CELF4: variants seen among roughly 807,000 people sequenced by gnomAD.
CELF4 encodes CUG-BP- and ETR-3-like factor 4.
In CELF4, 18 loss-of-function variants were observed where a neutral mutation model predicts 59.9. That is an observed-to-expected ratio of 0.30 (90% confidence interval 0.21 to 0.45). The LOEUF (loss-of-function observed/expected upper bound fraction) is 0.45. CELF4 is among the 20% of genes least tolerant of loss of function. The pLI, the probability that CELF4 is intolerant of heterozygous loss-of-function variation, is 1.00. For synonymous variants in CELF4, 261 were observed against 267.1 expected (o/e 0.98, Z 0.22); for missense variants, 456 against 689.0 (o/e 0.66, Z 3.79).
At chr18:37,266,181 C>T (rs896341350) in intron 9 of CELF4, 10 of 427,102 alleles carry the variant, frequency 2.3e-5, no homozygotes, top group South Asian at 1.4e-4. Flanking sequence ...GGTCCAGCCT[C>T]GCCTGTGGTG....
chr18:37,433,380 T>C (rs1445847324), intron 2 of CELF4, among the ~76,000 whole-genome samples: 3 of 152,296 alleles, frequency 2.0e-5, no homozygotes, highest in East Asian at 3.9e-4. Flanking sequence ...ATGCAGCAGT[T>C]GATGTCTTCT....
intron 1 of CELF4, among the ~76,000 whole-genome samples, chr18:37,524,350 G>A (rs1049368765): frequency 1.3e-5 from 2 of 152,172 alleles, no homozygotes; most frequent in Admixed American, 6.5e-5. Context: ...AGATGGCTTC[G>A]AATGCCAACC....
At chr18:37,387,618 C>G (rs624740) in intron 2 of CELF4, among the ~76,000 whole-genome samples, 73,063 of 151,988 alleles carry the variant, frequency 0.48, 18,112 homozygotes, top group East Asian at 0.7. Context: ...GGACTCTGGT[C>G]TGGGGCTTTT....
At chr18:37,385,833 T>C (rs1343282374) in intron 2 of CELF4, among the ~76,000 whole-genome samples, 1 of 152,246 alleles carries the variant, frequency 6.6e-6, no homozygotes, top group African/African-American at 2.4e-5. Context: ...ATTTTCAATA[T>C]GTATTTATTG....
intron 3 of CELF4, among the ~76,000 whole-genome samples, chr18:37,301,225 G>A (rs908087522): frequency 6.6e-6 from 1 of 152,202 alleles, no homozygotes; most frequent in Non-Finnish European, 1.5e-5. Context: ...GGCTGGAGAG[G>A]ATGTCAGTGT....
At position 37,439,655 on chromosome 18, in the gene CELF4, A is replaced by G. The variant is rs369945040; in HGVS notation, c.369+45870T>C. 3.3e-5 allele frequency among the ~76,000 whole-genome samples: 5 copies of G among 152,152 alleles called. No individual in the cohort carries two copies. In the South Asian group the frequency reaches 6.2e-4, roughly 19 times the overall value. ...CTTGGCCTAGTCACTCTTCTCTGGG[A>G]AGCTCTCCCCCACCAGCTCTCCTGT... is the stretch of plus-strand genomic sequence containing the variant. On this transcript the variant is annotated intron_variant, in intron 2 of 12. Transcript: ENST00000420428.
intron 2 of CELF4, among the ~76,000 whole-genome samples, chr18:37,358,650 C>A (rs920187271): frequency 2.0e-5 from 3 of 152,230 alleles, no homozygotes; most frequent in African/African-American, 7.2e-5. Flanking sequence ...CGCTGTGAAT[C>A]TTTGCTCAAG....
intron 2 of CELF4, among the ~76,000 whole-genome samples, chr18:37,383,661 G>A (rs1028621068): frequency 2.0e-5 from 3 of 152,122 alleles, no homozygotes; most frequent in Non-Finnish European, 4.4e-5. Flanking sequence ...TTCCAAGCAC[G>A]TCCACATCTC....
At chr18:37,349,933 G>A (rs1286113236) in intron 2 of CELF4, among the ~76,000 whole-genome samples, 3 of 152,192 alleles carry the variant, frequency 2.0e-5, no homozygotes, top group Non-Finnish European at 1.5e-5. Flanking sequence ...GATGGGTGAG[G>A]GGAGAGGCAA....
intron 9 of CELF4, 159 bp downstream of exon 9, chr18:37,266,374 G>T: frequency 1.3e-6 from 1 of 754,508 alleles, no homozygotes; most frequent in Non-Finnish European, 2.2e-6. Context: ...TGACAAGAAG[G>T]CAGCCTGGAG....
intron 2 of CELF4, among the ~76,000 whole-genome samples, chr18:37,332,229 A>G (rs544051891): frequency 6.6e-6 from 1 of 151,692 alleles, no homozygotes; most frequent in Non-Finnish European, 1.5e-5. Context: ...TTGTAGAATG[A>G]CCCCTCACTC....
intron 2 of CELF4, among the ~76,000 whole-genome samples, chr18:37,441,049 A>C (rs932348960): frequency 2.6e-5 from 4 of 152,204 alleles, no homozygotes; most frequent in African/African-American, 9.7e-5. Context: ...GCCGCTGCTG[A>C]TACCTAGACC....
chr18:37,383,355 G>A (rs1250223092), intron 2 of CELF4, among the ~76,000 whole-genome samples: 2 of 152,170 alleles, frequency 1.3e-5, no homozygotes, highest in Non-Finnish European at 2.9e-5. Context: ...TCCTGACAGC[G>A]CCACCCTGCA....
intron 3 of CELF4, among the ~76,000 whole-genome samples, chr18:37,286,211 A>T (rs572962304): frequency 6.6e-6 from 1 of 152,284 alleles, no homozygotes; most frequent in East Asian, 1.9e-4. Flanking sequence ...AGGGCAAAGA[A>T]TCTACTCCAG....
intron 3 of CELF4, 83 bp downstream of exon 3, chr18:37,321,720 T>C (rs1204336702): frequency 7.5e-6 from 7 of 936,546 alleles, no homozygotes; most frequent in Non-Finnish European, 1.1e-5. Context: ...AGGCGGGGAG[T>C]CGCTGCATCG....
chr18:37,352,240 A>G (rs944323039), intron 2 of CELF4, among the ~76,000 whole-genome samples: 5 of 152,206 alleles, frequency 3.3e-5, no homozygotes, highest in African/African-American at 1.2e-4. Flanking sequence ...CATCAGTGCA[A>G]GCCACCAAGC....
chr18:37,432,370 G>T (rs2154600820), intron 2 of CELF4, among the ~76,000 whole-genome samples: 1 of 152,384 alleles, frequency 6.6e-6, no homozygotes, highest in Admixed American at 6.5e-5. Context: ...TTGGAGGTGG[G>T]ATGGGAAAGA....
chr18:37,520,348 C>T (rs565805776), intron 1 of CELF4, among the ~76,000 whole-genome samples: 7 of 152,210 alleles, frequency 4.6e-5, no homozygotes, highest in East Asian at 1.9e-4. Context: ...CCCAGGAAGG[C>T]GTGAGTTAAA....
At chr18:37,435,045 C>T (rs2099685988) in intron 2 of CELF4, among the ~76,000 whole-genome samples, 1 of 152,168 alleles carries the variant, frequency 6.6e-6, no homozygotes, top group Admixed American at 6.5e-5. Flanking sequence ...CACCTGCCCA[C>T]TCTAGTAACT....
Sources: gnomAD v4.1 joint callset for allele counts (sites outside exome capture counted in the v4.1 genomes callset) on GRCh38, gnomAD v4.1.1 for gene constraint, MANE v1.5 for transcripts, NCBI Gene and HGNC (gene_info 2026-07-23, HGNC 2026-07-21) for gene names.